AGBL1: variants seen among roughly 807,000 people sequenced by gnomAD.
AGBL1 encodes cytosolic carboxypeptidase 4.
In AGBL1, 130 loss-of-function variants were observed where a neutral mutation model predicts 118.9. That is an observed-to-expected ratio of 1.09 (90% CI 0.95 to 1.26). The LOEUF is 1.26. AGBL1 is among the 50% of genes most tolerant of loss of function. The pLI, the probability that AGBL1 is intolerant of heterozygous loss-of-function variation, is 0.00. For synonymous variants in AGBL1, 555 were observed against 478.9 expected, an observed-to-expected ratio of 1.16 and a Z score of -2.08; for missense variants, 1,584 against 1,298.1, an observed-to-expected ratio of 1.22 and a Z score of -3.38.
At chr15:86,917,483 C>G (rs2881640), downstream of AGBL1, among the ~76,000 whole-genome samples, 2 of 152,014 alleles carry the variant, frequency 1.3e-5, no homozygotes, top group African/African-American at 4.8e-5. This position sits in a 1 kb window ranked among gnomAD's most constrained non-coding sequence, Gnocchi z 4.8. Flanking sequence ...ACTGAGCACA[C>G]TGAATGTTCC....
At chr15:86,694,128 G>A (rs2086216842) in intron 22 of AGBL1, among the ~76,000 whole-genome samples, 1 of 152,020 alleles carries the variant, frequency 6.6e-6, no homozygotes, top group South Asian at 2.1e-4. Flanking sequence ...CTAGTTCTGT[G>A]AAGAATGATG....
chr15:86,797,608 G>C lies in AGBL1; in HGVS notation c.3159-109479G>C, dbSNP rs536299136. ...GAGTGATCACAGTTGAGATAGGTCAGGACAAAGAGGCCCTGCTTAAATATT... is the reference window on the plus strand; with the variant it reads ...GAGTGATCACAGTTGAGATAGGTCACGACAAAGAGGCCCTGCTTAAATATT... On this transcript the variant is annotated intron_variant, in intron 22 of 22. Transcript: ENST00000614907. 1.8e-3 allele frequency among the ~76,000 whole-genome samples: 268 copies of C among 152,286 alleles called. 2 individuals carry two copies. Among genetic ancestry groups the C allele is most frequent in the African/African-American group, 6.0e-3 (251 of 41,548 alleles).
At chr15:86,723,350 T>G (rs902636867) in intron 22 of AGBL1, among the ~76,000 whole-genome samples, 1 of 152,228 alleles carries the variant, frequency 6.6e-6, no homozygotes, top group Admixed American at 6.5e-5. Flanking sequence ...TTCATGTCCT[T>G]TGTAGGGACA....
At chr15:87,007,903 G>T (rs543821713) in intron 24 of AGBL1, among the ~76,000 whole-genome samples, 1 of 152,276 alleles carries the variant, frequency 6.6e-6, no homozygotes. Flanking sequence ...AGTGGACTCC[G>T]AATGATATTT....
intron 8 of AGBL1, 37 bp from the exon 9 acceptor site, chr15:86,257,927 G>T: frequency 6.2e-7 from 1 of 1,604,012 alleles, no homozygotes; most frequent in Middle Eastern, 1.7e-4. Context: ...GGGCAAAGGG[G>T]AAACTTCACT....
chr15:86,247,355 A>G (rs780736942), intron 6 of AGBL1, among the ~76,000 whole-genome samples: 1 of 151,720 alleles, frequency 6.6e-6, no homozygotes, highest in Non-Finnish European at 1.5e-5. Context: ...GGTATTTTGT[A>G]GCATGTCCTT....
chr15:86,751,900 ACAGGTCC>A (rs1285932123), intron 22 of AGBL1, among the ~76,000 whole-genome samples: 5 of 152,226 alleles, frequency 3.3e-5, no homozygotes, highest in African/African-American at 1.2e-4. Context: ...TGTTTTAATC[ACAGGTCC>A]CAGAATTTTA....
chr15:86,129,048 C>A (rs1489431483), intron 1 of AGBL1, among the ~76,000 whole-genome samples: 1 of 152,092 alleles, frequency 6.6e-6, no homozygotes, highest in African/African-American at 2.4e-5. Context: ...GTCTTTATCG[C>A]CTGGAATGTG....
chr15:86,940,354 A>AT (rs2080734988), intron 23 of AGBL1, among the ~76,000 whole-genome samples: 1 of 152,094 alleles, frequency 6.6e-6, no homozygotes, highest in African/African-American at 2.4e-5. Context: ...AGCTGAGATG[A>AT]TTTATCAAAC....
At chr15:86,799,628 A>C (rs1200676521) in intron 22 of AGBL1, among the ~76,000 whole-genome samples, 1 of 152,122 alleles carries the variant, frequency 6.6e-6, no homozygotes, top group Non-Finnish European at 1.5e-5. Context: ...GGATTCCCGC[A>C]TCTCCAGAAA....
At chr15:86,436,879 G>A (rs1226986280) in intron 18 of AGBL1, among the ~76,000 whole-genome samples, 1 of 152,282 alleles carries the variant, frequency 6.6e-6, no homozygotes, top group South Asian at 2.1e-4. Context: ...TAAAGAGTAA[G>A]TAATCACCAA....
At position 86,198,875 on chromosome 15, in the gene AGBL1, A is replaced by T. The variant is rs571741259; in HGVS notation, c.489-26039A>T. On this transcript the variant is annotated intron_variant, in intron 5 of 22. Transcript: ENST00000614907. ...TTAAGCCACCTAGTCTTGATATTTT[A>T]TTATTATTGCTGTAGAAGACTAATA... Among the ~76,000 whole-genome samples the T allele has an allele frequency of 3.9e-5, 6 of 152,236 alleles. No individual in the cohort carries two copies. The South Asian group carries it at 1.2e-3, about 32-fold the overall frequency.
intron 22 of AGBL1, among the ~76,000 whole-genome samples, chr15:86,894,296 A>G (rs548478761): frequency 1.3e-5 from 2 of 152,174 alleles, no homozygotes; most frequent in Non-Finnish European, 2.9e-5. Flanking sequence ...AATTGAATTC[A>G]TCAGGTTTGA....
intron 21 of AGBL1, among the ~76,000 whole-genome samples, chr15:86,656,657 C>A (rs148971958): frequency 6.6e-5 from 10 of 152,086 alleles, no homozygotes; most frequent in African/African-American, 2.4e-4. Flanking sequence ...GGCTTCTCTC[C>A]CTTCTTTTTC....
intron 22 of AGBL1, among the ~76,000 whole-genome samples, chr15:86,897,764 C>CTTTTTTTTTTTTTTTTTT (rs71460231): frequency 1.7e-4 from 14 of 80,622 alleles, no homozygotes; most frequent in African/African-American, 5.0e-4. Context: ...CATCTTTTAT[C>CTTTTTTTTTTTTTTTTTT]TTTTTTTTTT....
chr15:86,676,427 T>C (rs2085848178), intron 22 of AGBL1, among the ~76,000 whole-genome samples: 1 of 152,168 alleles, frequency 6.6e-6, no homozygotes, highest in South Asian at 2.1e-4. Flanking sequence ...AATAAGCTTA[T>C]GGTCACAAAA....
At chr15:86,697,288 C>A (rs1000745250) in intron 22 of AGBL1, among the ~76,000 whole-genome samples, 4 of 151,748 alleles carry the variant, frequency 2.6e-5, no homozygotes, top group African/African-American at 9.7e-5. Context: ...ATAGTTTGTT[C>A]ATTTTGAAAT....
chr15:86,305,073 G>A (rs1364882863), intron 17 of AGBL1: 3 of 152,042 alleles, frequency 2.0e-5, no homozygotes, highest in Non-Finnish European at 4.4e-5. Context: ...TTCTCTTTCA[G>A]GATCCTTGCA....
chr15:86,399,332 C>G (rs1367045139), intron 18 of AGBL1, among the ~76,000 whole-genome samples: 7 of 152,104 alleles, frequency 4.6e-5, no homozygotes, highest in Non-Finnish European at 7.4e-5. Context: ...CTTTCTCAGC[C>G]TAAATGGATG....
Sources: allele counts gnomAD v4.1 joint callset (sites outside exome capture counted in the v4.1 genomes callset), GRCh38; gene constraint gnomAD v4.1.1; non-coding constraint Gnocchi (gnomAD v3.1); transcripts MANE v1.5; gene names NCBI Gene and HGNC (gene_info 2026-07-23, HGNC 2026-07-21).